PCDHGA11: variants seen among roughly 807,000 people sequenced by gnomAD.
The protein encoded by PCDHGA11 is protocadherin gamma-A11.
Under a neutral mutation model 60.4 loss-of-function variants are expected in PCDHGA11, and 39 were observed. The ratio of observed to expected loss-of-function variants is 0.65; its 90% CI spans 0.50 to 0.84. The LOEUF is 0.84. Among genes scored for constraint, PCDHGA11 ranks in the 40% least tolerant of loss-of-function variants. PCDHGA11 has a pLI of 0.00. For synonymous variants in PCDHGA11, 533 were observed against 510.3 expected (o/e 1.04, Z -0.60); for missense variants, 1,165 against 1,197.7 (o/e 0.97, Z 0.40).
In PCDHGA11 at chr5:141,476,445, T is replaced by G. The variant is rs2099391853; in HGVS notation, c.2434-18362T>G. 1 of 1,613,956 alleles carries G rather than the reference T, an allele frequency of 6.2e-7. No individual in the cohort carries two copies. The highest frequency in any genetic ancestry group is 1.7e-5 in the Admixed American group (1 of 60,008). The stretch of plus-strand genomic sequence containing the variant: ...CCCTCTTGCACTGTAACTCTGGAGT[T>G]GGTAGTGGAGAACCCGCTGGAGCTG... On this transcript the variant is annotated intron_variant, in intron 1 of 3. Coordinates refer to ENST00000398587, the MANE Select transcript of PCDHGA11 (RefSeq NM_018914.3). This position sits in a 1 kb window ranked among gnomAD's most constrained non-coding sequence, Gnocchi z 7.6.
chr5:141,489,151 A>G lies in PCDHGA11; in HGVS notation c.2434-5656A>G. On this transcript the variant is annotated intron_variant, in intron 1 of 3. Transcript: ENST00000398587. This position sits in a 1 kb window ranked among gnomAD's most constrained non-coding sequence, Gnocchi z 4.5. ...TTTTTAAGAGGCTGGAAGGAGACAT[A>G]AGAGACTTCAGCTGCTGCATTCCAA... is the stretch of plus-strand genomic sequence containing the variant. The G allele has an allele frequency of 4.3e-6, 4 of 932,968 alleles. No individual in the cohort carries two copies. Among genetic ancestry groups the G allele is most frequent in the Non-Finnish European group, 6.4e-6 (4 of 622,052 alleles). 57.8% of individuals were successfully genotyped at this position (932,968 alleles called of 1,614,324 possible).
chr5:141,476,554 G>A lies in PCDHGA11; in HGVS notation c.2434-18253G>A. On this transcript the variant is annotated intron_variant, in intron 1 of 3. Transcript: ENST00000398587. This position sits in a 1 kb window ranked among gnomAD's most constrained non-coding sequence, Gnocchi z 7.6. The stretch of plus-strand genomic sequence containing the variant: ...AGGAAATGAAATTGGAGATTAGCGA[G>A]GCCGTGGCTCCGGGGACGCGCTTTC... 1 of 1,614,232 alleles carries A rather than the reference G, an allele frequency of 6.2e-7. No individual in the cohort carries two copies. Among genetic ancestry groups the A allele is most frequent in the Non-Finnish European group, 8.5e-7 (1 of 1,180,036 alleles).
rs758066525 is a variant in PCDHGA11, at chr5:141,477,331, T to C, written c.2434-17476T>C. The C allele has an allele frequency of 7.4e-6, 12 of 1,614,024 alleles. No individual in the cohort carries two copies. In the East Asian group the frequency reaches 1.1e-4, roughly 15 times the overall value. Reference sequence around the variant, plus strand: ...TCAGCCTTACTTCTTCCCTCAAGAATTACTTCACTTTGAAAACCAGTGCAG... The same window carrying C: ...TCAGCCTTACTTCTTCCCTCAAGAACTACTTCACTTTGAAAACCAGTGCAG... On this transcript the variant is annotated intron_variant, in intron 1 of 3. Coordinates refer to ENST00000398587, the MANE Select transcript of PCDHGA11 (RefSeq NM_018914.3). This position sits in a 1 kb window ranked among gnomAD's most constrained non-coding sequence, Gnocchi z 4.9.
intron 2 of PCDHGA11, among the ~76,000 whole-genome samples, chr5:141,503,596 C>T (rs1267014587): frequency 7.7e-6 from 1 of 129,694 alleles, no homozygotes; most frequent in African/African-American, 3.3e-5. Context: ...GAGACTCCAG[C>T]TCAAAAAAAA....
At position 141,502,349 on chromosome 5, in the gene PCDHGA11, T is replaced by C. The variant is rs369766657; in HGVS notation, c.2493-3044T>C. 1.3e-3 allele frequency among the ~76,000 whole-genome samples: 200 copies of C among 152,292 alleles called. 3 individuals carry two copies. In the South Asian group the frequency reaches 0.034, roughly 26 times the overall value. On this transcript the variant is annotated intron_variant, in intron 2 of 3. Transcript: ENST00000398587. ...GCTCCCAGTCTTTTTATTTTTTTAA[T>C]GACATGGATATTTTTAAAGAGTCCA...
At chr5:141,473,270 T>C (rs538574742) in intron 1 of PCDHGA11, among the ~76,000 whole-genome samples, 4 of 152,326 alleles carry the variant, frequency 2.6e-5, no homozygotes, top group African/African-American at 9.6e-5. Context: ...GTGTATGCTA[T>C]GATTATTTTA....
chr5:141,461,961 T>C (rs914134151), intron 1 of PCDHGA11, among the ~76,000 whole-genome samples: 3 of 152,192 alleles, frequency 2.0e-5, no homozygotes, highest in African/African-American at 7.2e-5. Context: ...GTAGCTGGGA[T>C]TCCAGGCATA....
chr5:141,451,682 G>GA (rs1401536376), intron 1 of PCDHGA11, among the ~76,000 whole-genome samples: 1 of 152,128 alleles, frequency 6.6e-6, no homozygotes, highest in Non-Finnish European at 1.5e-5. Flanking sequence ...AGGAGTTCAA[G>GA]ACCAGCCTGG....
At chr5:141,453,430 C>A (rs1043851647) in intron 1 of PCDHGA11, among the ~76,000 whole-genome samples, 1 of 152,018 alleles carries the variant, frequency 6.6e-6, no homozygotes, top group Non-Finnish European at 1.5e-5. Flanking sequence ...CCACACCTAG[C>A]CTAGTATTCT....
In PCDHGA11 at chr5:141,492,378, C is replaced by T. The variant is rs144479033; in HGVS notation, c.2434-2429C>T. Among the ~76,000 whole-genome samples the T allele has an allele frequency of 1.7e-3, 262 of 152,360 alleles. 2 individuals are homozygous for T. The highest frequency in any genetic ancestry group is 3.0e-3 in the Non-Finnish European group (207 of 68,026). On this transcript the variant is annotated intron_variant, in intron 1 of 3. Coordinates refer to ENST00000398587, the MANE Select transcript of PCDHGA11 (RefSeq NM_018914.3). ...CTCGCTCGCGGCCAGATTCACAGGCCTGTTCCGGTCCACTCGCAGCTCCCC... is the reference window on the plus strand; with the variant it reads ...CTCGCTCGCGGCCAGATTCACAGGCTTGTTCCGGTCCACTCGCAGCTCCCC...
chr5:141,431,884 T>A lies in PCDHGA11; in HGVS notation c.2433+8224T>A. ...CCCTTTTAAATGTAAATGACCAAGA[T>A]TCTGAGGAAAACGGACAGGTGATCT... On this transcript the variant is annotated intron_variant, in intron 1 of 3. Transcript: ENST00000398587. This position sits in a 1 kb window ranked among gnomAD's most constrained non-coding sequence, Gnocchi z 4.8. 1.2e-6 allele frequency: 2 copies of A among 1,614,218 alleles called. No individual in the cohort carries two copies. Among genetic ancestry groups the A allele is most frequent in the Non-Finnish European group, 1.7e-6 (2 of 1,180,008 alleles).
At chr5:141,426,374 C>G (rs908991939) in intron 1 of PCDHGA11, 2 of 219,094 alleles carry the variant, frequency 9.1e-6, no homozygotes, top group East Asian at 1.0e-4. Flanking sequence ...GGGGCACCCT[C>G]GGAGCAGATC....
In PCDHGA11 at chr5:141,461,525, A is replaced by T. The variant is rs966592635; in HGVS notation, c.2434-33282A>T. ...TTGGTGATTTGTTAGTTCCTTGTAGATTCTGGATACTAGTCCTTTGTCAGA... is the reference window on the plus strand; with the variant it reads ...TTGGTGATTTGTTAGTTCCTTGTAGTTTCTGGATACTAGTCCTTTGTCAGA... On this transcript the variant is annotated intron_variant, in intron 1 of 3. Coordinates refer to ENST00000398587, the MANE Select transcript of PCDHGA11 (RefSeq NM_018914.3). 5.3e-5 allele frequency among the ~76,000 whole-genome samples: 8 copies of T among 152,106 alleles called. No individual in the cohort carries two copies. The South Asian group carries it at 1.7e-3, about 31-fold the overall frequency.
intron 1 of PCDHGA11, among the ~76,000 whole-genome samples, chr5:141,446,247 A>T (rs969960822): frequency 6.6e-6 from 1 of 152,160 alleles, no homozygotes; most frequent in African/African-American, 2.4e-5. Context: ...GTAGATCTTC[A>T]GTGAAATATT....
Position 141,432,691 on chromosome 5 carries a change from G to A in PCDHGA11, c.2433+9031G>A, listed in dbSNP as rs1308174141. Reference sequence around the variant, plus strand: ...ACGCGCTCAAGCAGAGCCTCGTAGTGGCCGTCCAGGACCACGGCCAGCCCC... The same window carrying A: ...ACGCGCTCAAGCAGAGCCTCGTAGTAGCCGTCCAGGACCACGGCCAGCCCC... On this transcript the variant is annotated intron_variant, in intron 1 of 3. Transcript: ENST00000398587. The surrounding 1 kb of genome is among the most constrained non-coding windows in gnomAD (Gnocchi z 6.0). 1 of 1,613,942 alleles carries A rather than the reference G, an allele frequency of 6.2e-7. No individual in the cohort carries two copies. Among genetic ancestry groups the A allele is most frequent in the South Asian group, 1.1e-5 (1 of 91,068 alleles).
intron 2 of PCDHGA11, among the ~76,000 whole-genome samples, chr5:141,503,611 A>AG (rs992110793): frequency 6.6e-6 from 1 of 151,948 alleles, no homozygotes; most frequent in Non-Finnish European, 1.5e-5. Flanking sequence ...AAAAAAAAAA[A>AG]AAAGAAAAAA....
rs1442570663 is a variant in PCDHGA11, at chr5:141,438,613, TATATATATATATATATATATATACACAC to T, written c.2433+14955_2433+14982del. On this transcript the variant is annotated intron_variant, in intron 1 of 3. Transcript: ENST00000398587. Reference sequence around the variant, plus strand: ...ATACATATATATATATATATATATATATATATATATATATATATATATACACACACACACACACATATATGTATATATA... The same window carrying T: ...ATACATATATATATATATATATATATACACACACACATATATGTATATATA... Among the ~76,000 whole-genome samples, 243 of 36,492 alleles carry T rather than the reference TATATATATATATATATATATATACACAC, an allele frequency of 6.7e-3. 7 individuals are homozygous for T. The highest frequency in any genetic ancestry group is 0.033 in the East Asian group (37 of 1,124). The allele number at this position is 36,492 out of a possible 152,430, so 23.9% of individuals were successfully genotyped here.
intron 1 of PCDHGA11, among the ~76,000 whole-genome samples, chr5:141,457,253 T>C (rs986838327): frequency 1.4e-4 from 22 of 152,196 alleles, no homozygotes; most frequent in Admixed American, 1.4e-3. Flanking sequence ...CTTGCCAACA[T>C]ATAGAATTCC....
chr5:141,464,622 CT>C (rs947370342), intron 1 of PCDHGA11, among the ~76,000 whole-genome samples: 8 of 152,058 alleles, frequency 5.3e-5, no homozygotes, highest in African/African-American at 1.9e-4. Flanking sequence ...TATTGTCAAG[CT>C]TTTTAATTGT....
Sources: gnomAD v4.1 joint callset for allele counts (sites outside exome capture counted in the v4.1 genomes callset) on GRCh38, gnomAD v4.1.1 for gene constraint, Gnocchi (gnomAD v3.1) non-coding constraint, MANE v1.5 for transcripts, NCBI Gene and HGNC (gene_info 2026-07-23, HGNC 2026-07-21) for gene names.